The following SMYD2 variants were observed in gnomAD, a reference collection of about 807,000 sequenced individuals.
The protein encoded by SMYD2 is N-lysine methyltransferase SMYD2.
A neutral mutation model predicts 59.1 loss-of-function variants in SMYD2; 53 were observed. The observed-to-expected ratio is 0.90, with a 90% CI of 0.72 to 1.13. The LOEUF (loss-of-function observed/expected upper bound fraction) is 1.13. Ranked by LOEUF, SMYD2 falls within the 50% of genes most tolerant of loss-of-function variation. The pLI, the probability that SMYD2 is intolerant of heterozygous loss-of-function variation, is 0.00. For missense variants in SMYD2, 494 were observed against 544.7 expected, an observed-to-expected ratio of 0.91 and a Z score of 0.93; for synonymous variants, 208 against 198.8, an observed-to-expected ratio of 1.05 and a Z score of -0.39.
intron 5 of SMYD2, among the ~76,000 whole-genome samples, chr1:214,323,909 C>T (rs1657213108): frequency 6.6e-6 from 1 of 152,136 alleles, no homozygotes; most frequent in Admixed American, 6.5e-5. Flanking sequence ...ACCACCTCAC[C>T]TTATGAGATG....
At chr1:214,281,740 A>C (rs1042470676) in intron 1 of SMYD2, among the ~76,000 whole-genome samples, 2 of 152,232 alleles carry the variant, frequency 1.3e-5, no homozygotes, top group Admixed American at 6.5e-5. Context: ...GCTCCGAGCC[A>C]GGCTTGTTCC....
At chr1:214,298,440 C>G (rs1449051979) in intron 1 of SMYD2, among the ~76,000 whole-genome samples, 2 of 152,160 alleles carry the variant, frequency 1.3e-5, no homozygotes, top group African/African-American at 2.4e-5. Flanking sequence ...AGACCTCAAA[C>G]TGTAAAAATC....
intron 5 of SMYD2, among the ~76,000 whole-genome samples, chr1:214,322,205 C>T (rs147346032): frequency 2.9e-4 from 44 of 152,332 alleles, no homozygotes; most frequent in African/African-American, 1.1e-3. Flanking sequence ...CCAGAAACTG[C>T]TGAGGCGTGG....
At chr1:214,286,726 C>T (rs6679707) in intron 1 of SMYD2, among the ~76,000 whole-genome samples, 10,407 of 138,980 alleles carry the variant, frequency 0.075, 435 homozygotes, top group South Asian at 0.19. Context: ...TGAGATCACG[C>T]CACTGCACTC....
intron 1 of SMYD2, among the ~76,000 whole-genome samples, chr1:214,287,302 A>G (rs978443577): frequency 6.6e-5 from 10 of 151,312 alleles, no homozygotes; most frequent in Admixed American, 3.3e-4. Flanking sequence ...AAGCTGGCCT[A>G]TTGGCTGGGC....
chr1:214,327,491 G>A (rs1657281586), intron 6 of SMYD2, 131 bp from the exon 7 acceptor site: 1 of 697,286 alleles, frequency 1.4e-6, no homozygotes, highest in East Asian at 2.6e-5. Flanking sequence ...GAATGTGATA[G>A]CCAACTATTA....
intron 9 of SMYD2, 92 bp downstream of exon 9, chr1:214,331,162 T>C: frequency 6.4e-7 from 1 of 1,563,736 alleles, no homozygotes; most frequent in Middle Eastern, 1.7e-4. Context: ...AGGATGGATT[T>C]AAGATTCTGA....
chr1:214,333,336 T>C (rs746592164), intron 10 of SMYD2: 9 of 152,278 alleles, frequency 5.9e-5, no homozygotes, highest in Non-Finnish European at 1.2e-4. Context: ...TAGACCCATC[T>C]TTATCTGCGT....
chr1:214,301,675 GA>G (rs1285262683), intron 1 of SMYD2, among the ~76,000 whole-genome samples: 1 of 151,050 alleles, frequency 6.6e-6, no homozygotes, highest in Non-Finnish European at 1.5e-5. Context: ...TGTTTTCCTG[GA>G]AGTGACAGGC....
At chr1:214,303,003 T>G (rs777714633) in intron 1 of SMYD2, among the ~76,000 whole-genome samples, 19 of 152,220 alleles carry the variant, frequency 1.2e-4, no homozygotes, top group Middle Eastern at 3.4e-3. Context: ...TTTAATTTTT[T>G]TTGTTGTTGT....
At chr1:214,329,575 G>C (rs994316246) in intron 7 of SMYD2, among the ~76,000 whole-genome samples, 1 of 133,198 alleles carries the variant, frequency 7.5e-6, no homozygotes, top group African/African-American at 2.5e-5. Context: ...AGGATCAGGA[G>C]CTGCCCGCTG....
chr1:214,305,557 C>G (rs1656903174), intron 2 of SMYD2, among the ~76,000 whole-genome samples: 1 of 152,220 alleles, frequency 6.6e-6, no homozygotes, highest in Non-Finnish European at 1.5e-5. Flanking sequence ...GACAAATAAA[C>G]AATATTAAAA....
intron 11 of SMYD2, among the ~76,000 whole-genome samples, chr1:214,336,229 T>A (rs1657433697): frequency 6.6e-6 from 1 of 152,060 alleles, no homozygotes; most frequent in African/African-American, 2.4e-5. Flanking sequence ...GATGGTCTTC[T>A]CCTTTTTTAA....
intron 1 of SMYD2, among the ~76,000 whole-genome samples, chr1:214,295,509 A>C (rs567137596): frequency 6.6e-6 from 1 of 152,310 alleles, no homozygotes; most frequent in South Asian, 2.1e-4. Flanking sequence ...CACCAAGCCC[A>C]GCTTCCTCCT....
At chr1:214,331,151 A>G (rs1216428791) in intron 9 of SMYD2, 81 bp downstream of exon 9, 3 of 1,586,988 alleles carry the variant, frequency 1.9e-6, no homozygotes, top group Non-Finnish European at 2.6e-6. Flanking sequence ...GGAGCAGGAG[A>G]AGGATGGATT....
chr1:214,331,261 T>C (rs2270704), intron 9 of SMYD2, 191 bp downstream of exon 9: 707,966 of 812,274 alleles, frequency 0.87, 311,019 homozygotes, highest in African/African-American at 0.96. Context: ...GTTGTATGAT[T>C]TTATTTCCCC....
chr1:214,318,925 T>C lies in SMYD2; in HGVS notation c.476T>C (p.Phe159Ser). The change falls in exon 5 of 12, where the codon TTT becomes TCT. Residue 159 changes from phenylalanine to serine, a missense_variant. Phe to Ser is a radical substitution (Grantham distance 155). Coordinates refer to ENST00000366957, the MANE Select transcript of SMYD2 (RefSeq NM_020197.3). The surrounding 1 kb of genome is among the most constrained non-coding windows in gnomAD (Gnocchi z 5.4). ...AGTGACATAGCTGCTCTCCATCACT[T>C]TTACTCCAAGCATCTCGGATTCCCT... ...IQSDIAALHH[F>S]YSKHLGFPDN... 2 of 1,614,018 alleles carry C rather than the reference T, an allele frequency of 1.2e-6. No individual in the cohort carries two copies. Among genetic ancestry groups the C allele is most frequent in the Non-Finnish European group, 1.7e-6 (2 of 1,179,972 alleles).
intron 1 of SMYD2, among the ~76,000 whole-genome samples, chr1:214,289,544 G>A (rs900378569): frequency 6.6e-6 from 1 of 152,128 alleles, no homozygotes; most frequent in African/African-American, 2.4e-5. Context: ...TCTGGTATAT[G>A]CAAGGCAAAT....
intron 10 of SMYD2, 86 bp downstream of exon 10, chr1:214,332,278 G>C: frequency 1.4e-6 from 2 of 1,481,474 alleles, no homozygotes; most frequent in Non-Finnish European, 1.8e-6. Flanking sequence ...CCTGCCCATT[G>C]CTGAGACTTG....
Sources: gnomAD v4.1 joint callset for allele counts (sites outside exome capture counted in the v4.1 genomes callset) on GRCh38, gnomAD v4.1.1 for gene constraint, Gnocchi (gnomAD v3.1) non-coding constraint, MANE v1.5 for transcripts, NCBI Gene and HGNC (gene_info 2026-07-23, HGNC 2026-07-21) for gene names.